COL26A1: variants seen among roughly 807,000 people sequenced by gnomAD.
COL26A1 encodes the protein collagen alpha-1(XXVI) chain.
Under a neutral mutation model 59.3 loss-of-function variants are expected in COL26A1, and 41 were observed. That is an observed-to-expected ratio of 0.69 (90% CI 0.54 to 0.90). COL26A1 has a LOEUF of 0.90. Ranked by LOEUF, COL26A1 falls within the 40% of genes least tolerant of loss-of-function variation. The pLI, the probability that COL26A1 is intolerant of heterozygous loss-of-function variation, is 0.00. For missense variants in COL26A1, 612 were observed against 602.3 expected (o/e 1.02, Z -0.17); for synonymous variants, 266 against 256.0 (o/e 1.04, Z -0.37).
chr7:101,465,474 G>A (rs956063515), intron 3 of COL26A1, among the ~76,000 whole-genome samples: 10 of 151,988 alleles, frequency 6.6e-5, no homozygotes, highest in African/African-American at 1.9e-4. Flanking sequence ...GAGCCACTGC[G>A]CCTGGTCAGG....
intron 1 of COL26A1, among the ~76,000 whole-genome samples, chr7:101,385,367 G>GTGTATA (rs896826101): frequency 7.3e-6 from 1 of 137,022 alleles, no homozygotes; most frequent in African/African-American, 2.5e-5. Flanking sequence ...ATATATGTGT[G>GTGTATA]TATATATATA....
chr7:101,417,086 A>G (rs981404242), intron 1 of COL26A1, among the ~76,000 whole-genome samples: 1 of 152,176 alleles, frequency 6.6e-6, no homozygotes, highest in South Asian at 2.1e-4. Flanking sequence ...CTTTGAGGAC[A>G]TTAATTATGC....
At chr7:101,537,167 T>C (rs1186672673) in intron 4 of COL26A1, among the ~76,000 whole-genome samples, 2 of 152,172 alleles carry the variant, frequency 1.3e-5, no homozygotes, top group Non-Finnish European at 2.9e-5. Context: ...CTCCATCTGC[T>C]CTCCCACTGG....
At position 101,397,501 on chromosome 7, in the gene COL26A1, TCCTTCCCTTC is replaced by T. The variant is rs201440460; in HGVS notation, c.159-22464_159-22455del. Among the ~76,000 whole-genome samples the T allele has an allele frequency of 4.6e-4, 67 of 147,160 alleles. No individual in the cohort carries two copies. The East Asian group carries it at 5.6e-3, about 12-fold the overall frequency. ...CTTCCTTCTCCTTTCCTTCTCCTTC[TCCTTCCCTTC>T]CCTTCCCTTCCTTCTCTCCTCCCCC... is the stretch of plus-strand genomic sequence containing the variant. On this transcript the variant is annotated intron_variant, in intron 1 of 12. Coordinates refer to ENST00000313669, the MANE Select transcript of COL26A1 (RefSeq NM_001278563.3).
intron 2 of COL26A1, among the ~76,000 whole-genome samples, chr7:101,421,945 G>A (rs536444455): frequency 6.6e-6 from 1 of 152,270 alleles, no homozygotes; most frequent in South Asian, 2.1e-4. Flanking sequence ...GCATACAAGT[G>A]TTTTGATACA....
intron 3 of COL26A1, among the ~76,000 whole-genome samples, chr7:101,454,997 G>C (rs1221630839): frequency 6.6e-6 from 1 of 151,398 alleles, no homozygotes; most frequent in Admixed American, 6.6e-5. Context: ...TGTATATATG[G>C]ATCTATGTCT....
At chr7:101,435,312 A>G (rs1212374493) in intron 2 of COL26A1, among the ~76,000 whole-genome samples, 2 of 152,124 alleles carry the variant, frequency 1.3e-5, no homozygotes, top group East Asian at 1.9e-4. Flanking sequence ...GCGAGACTCC[A>G]TCTCAATAAA....
Position 101,551,145 on chromosome 7 carries a change from T to A in COL26A1, c.1029+2T>A. On this transcript the variant is annotated splice_donor_variant, in intron 10 of 12. Transcript: ENST00000313669. LOFTEE classifies it high-confidence loss of function. ...GAGCGAGGCACAGTGGGGCCGTCCG[T>A]AAGTGTGGGCTGTGCAGATGGGCCT... The A allele has an allele frequency of 6.4e-7, 1 of 1,550,886 alleles. No individual in the cohort carries two copies.
rs769488345 is a variant in COL26A1, at chr7:101,539,901, G to A, written c.456G>A (p.Leu152=). ...RLTTLEAKVL[L]LEAAERPSSP... ...TATCTCCTTTGGCCCAGGTCCTCCT[G>A]CTAGAAGCAGCAGAACGGCCCTCCA... is the stretch of plus-strand genomic sequence containing the variant. Residue 152 remains leucine, a synonymous_variant, in exon 5 of 13, where the codon CTG becomes CTA. Transcript: ENST00000313669. The A allele has an allele frequency of 6.2e-7, 1 of 1,611,738 alleles. No individual in the cohort carries two copies. Among genetic ancestry groups the A allele is most frequent in the Non-Finnish European group, 8.5e-7 (1 of 1,178,952 alleles).
At chr7:101,520,211 T>A (rs115387257) in intron 3 of COL26A1, among the ~76,000 whole-genome samples, 2,460 of 152,238 alleles carry the variant, frequency 0.016, 72 homozygotes, top group African/African-American at 0.056. Flanking sequence ...CGGAGCATCA[T>A]AAGCTGAAGA....
intron 2 of COL26A1, among the ~76,000 whole-genome samples, chr7:101,435,255 G>A (rs1464482918): frequency 1.4e-4 from 22 of 152,198 alleles, no homozygotes; most frequent in Non-Finnish European, 2.1e-4. Flanking sequence ...GGAGGCAGAG[G>A]TTGCAGTGAG....
intron 2 of COL26A1, among the ~76,000 whole-genome samples, chr7:101,447,293 A>T (rs1041951724): frequency 2.6e-5 from 4 of 152,250 alleles, no homozygotes; most frequent in Non-Finnish European, 5.9e-5. Flanking sequence ...CTAATTTATT[A>T]GTCCTACAAA....
intron 2 of COL26A1, among the ~76,000 whole-genome samples, chr7:101,434,417 T>C (rs1792865196): frequency 6.6e-6 from 1 of 151,402 alleles, no homozygotes; most frequent in Non-Finnish European, 1.5e-5. Flanking sequence ...CCACGCTTGG[T>C]TAATTTCTTT....
At chr7:101,402,761 CCCTT>C (rs1383991920) in intron 1 of COL26A1, among the ~76,000 whole-genome samples, 1 of 128,078 alleles carries the variant, frequency 7.8e-6, no homozygotes, top group Non-Finnish European at 1.6e-5. Flanking sequence ...CTCCCTCCCT[CCCTT>C]GCCCCCTTTC....
At chr7:101,505,464 A>G (rs1220417929) in intron 3 of COL26A1, among the ~76,000 whole-genome samples, 1 of 151,564 alleles carries the variant, frequency 6.6e-6, no homozygotes, top group Non-Finnish European at 1.5e-5. Context: ...TTTTGGATGG[A>G]AAGAGGAGTT....
At chr7:101,383,612 G>A (rs1791498038) in intron 1 of COL26A1, among the ~76,000 whole-genome samples, 1 of 151,892 alleles carries the variant, frequency 6.6e-6, no homozygotes, top group Non-Finnish European at 1.5e-5. Context: ...TTGGCTCACT[G>A]CAATCTCTGC....
Position 101,557,761 on chromosome 7 carries a change from G to T in COL26A1, c.*231G>T, listed in dbSNP as rs1015595368. The T allele has an allele frequency of 4.3e-6, 2 of 468,890 alleles. No individual in the cohort carries two copies. The highest frequency in any genetic ancestry group is 7.5e-6 in the Non-Finnish European group (2 of 265,736). The allele number at this position is 468,890 out of a possible 1,614,324, so 29.0% of individuals were successfully genotyped here. A position where few individuals can be genotyped will look rare whatever the true frequency, so the allele number is the denominator to read the frequency against. ...TGTCCCCTCCCCTACCCCCACTCCCGGCTGGAGACGGGGTCTGGGTGGGCT... is the reference window on the plus strand; with the variant it reads ...TGTCCCCTCCCCTACCCCCACTCCCTGCTGGAGACGGGGTCTGGGTGGGCT... On this transcript the variant is annotated 3_prime_UTR_variant, in exon 13 of 13. Coordinates refer to ENST00000313669, the MANE Select transcript of COL26A1 (RefSeq NM_001278563.3).
At chr7:101,434,513 CTA>C (rs1299623540) in intron 2 of COL26A1, among the ~76,000 whole-genome samples, 1 of 151,846 alleles carries the variant, frequency 6.6e-6, no homozygotes, top group Non-Finnish European at 1.5e-5. Flanking sequence ...CCTCCCGCCT[CTA>C]TCTCTCAAAG....
At chr7:101,499,350 T>C (rs747772042) in intron 3 of COL26A1, among the ~76,000 whole-genome samples, 2 of 152,050 alleles carry the variant, frequency 1.3e-5, no homozygotes, top group African/African-American at 4.8e-5. Context: ...GAGACCAGCC[T>C]GGGCAACATG....
Sources: allele counts gnomAD v4.1 joint callset (sites outside exome capture counted in the v4.1 genomes callset), GRCh38; gene constraint gnomAD v4.1.1; transcripts MANE v1.5; gene names NCBI Gene and HGNC (gene_info 2026-07-23, HGNC 2026-07-21).